RANBP10: variants seen among roughly 807,000 people sequenced by gnomAD.
RANBP10 encodes the protein RAN binding protein 10.
In RANBP10, 24 loss-of-function variants were observed where a neutral mutation model predicts 72.8. The ratio of observed to expected loss-of-function variants is 0.33; its 90% confidence interval spans 0.24 to 0.46. The LOEUF is 0.46. Ranked by LOEUF, RANBP10 falls within the 20% of genes least tolerant of loss-of-function variation. The pLI is 1.00. For missense variants in RANBP10, 679 were observed against 817.5 expected (o/e 0.83, Z 2.07); for synonymous variants, 310 against 322.3 (o/e 0.96, Z 0.41).
chr16:67,742,522 G>A (rs1362264571), intron 4 of RANBP10, among the ~76,000 whole-genome samples: 1 of 152,206 alleles, frequency 6.6e-6, no homozygotes, highest in Non-Finnish European at 1.5e-5. Context: ...GGAGATGGAT[G>A]TCTAAAAACA....
intron 3 of RANBP10, among the ~76,000 whole-genome samples, chr16:67,765,961 G>C (rs1377923051): frequency 6.6e-6 from 1 of 152,180 alleles, no homozygotes; most frequent in African/African-American, 2.4e-5. Context: ...GCAGTGAGCT[G>C]TGACTGTGCC....
intron 3 of RANBP10, among the ~76,000 whole-genome samples, chr16:67,766,264 G>A (rs1238138239): frequency 6.6e-6 from 1 of 152,200 alleles, no homozygotes; most frequent in Non-Finnish European, 1.5e-5. Context: ...TTTGCAAAAT[G>A]TATGCTCATC....
chr16:67,766,272 A>T (rs2054500415), intron 3 of RANBP10, among the ~76,000 whole-genome samples: 1 of 152,218 alleles, frequency 6.6e-6, no homozygotes, highest in South Asian at 2.1e-4. Flanking sequence ...ATGTATGCTC[A>T]TCACCAGAAA....
At chr16:67,796,313 C>A (rs746418395) in intron 2 of RANBP10, among the ~76,000 whole-genome samples, 3 of 152,106 alleles carry the variant, frequency 2.0e-5, no homozygotes, top group Non-Finnish European at 4.4e-5. Context: ...AAGTCCATGC[C>A]AATTTCAGAT....
chr16:67,806,484 G>T lies in RANBP10; in HGVS notation c.53C>A (p.Ser18Tyr). ...CCCGCCCCCAGCGCCCCCGCCGGAG[G>T]AGTCCCCAGGCTGCGGGTTCCCAGC... ...PGAGNPQPGDSSGGGAGGGLP... is the reference protein window; with the variant it reads ...PGAGNPQPGDYSGGGAGGGLP... The change falls in exon 1 of 14, where the codon TCC becomes TAC. Residue 18 changes from serine to tyrosine, a missense_variant. Physicochemically the swap from Ser to Tyr is moderately radical, Grantham distance 144 (BLOSUM62 -2). Transcript: ENST00000317506. 1 of 1,545,594 alleles carries T rather than the reference G, an allele frequency of 6.5e-7. No homozygotes were observed. Among genetic ancestry groups the T allele is most frequent in the Non-Finnish European group, 8.7e-7 (1 of 1,151,472 alleles).
At chr16:67,779,971 C>T (rs193284281) in intron 2 of RANBP10, among the ~76,000 whole-genome samples, 2 of 152,214 alleles carry the variant, frequency 1.3e-5, no homozygotes. Context: ...CGGTGGCTCA[C>T]GCCAGTAATC....
intron 13 of RANBP10, among the ~76,000 whole-genome samples, chr16:67,726,897 C>G (rs2053612661): frequency 6.6e-6 from 1 of 152,230 alleles, no homozygotes; most frequent in Non-Finnish European, 1.5e-5. Flanking sequence ...CTGTACAGAG[C>G]TTGCTGCCCC....
At chr16:67,779,637 T>C (rs2054775269) in intron 2 of RANBP10, among the ~76,000 whole-genome samples, 1 of 152,170 alleles carries the variant, frequency 6.6e-6, no homozygotes, top group African/African-American at 2.4e-5. Context: ...TAGGAGCTCT[T>C]GGGTCCTTGC....
intron 3 of RANBP10, among the ~76,000 whole-genome samples, chr16:67,764,960 A>T (rs1444948971): frequency 1.3e-5 from 2 of 152,200 alleles, no homozygotes; most frequent in African/African-American, 4.8e-5. Context: ...CATCTTAACT[A>T]TATTAAAACA....
chr16:67,779,695 T>A (rs944576704), intron 2 of RANBP10, among the ~76,000 whole-genome samples: 2 of 152,166 alleles, frequency 1.3e-5, no homozygotes, highest in African/African-American at 4.8e-5. Flanking sequence ...TTTCTTTTCA[T>A]AGAGGTTCTT....
intron 3 of RANBP10, among the ~76,000 whole-genome samples, chr16:67,745,076 C>T (rs1481547459): frequency 6.6e-6 from 1 of 150,950 alleles, no homozygotes; most frequent in African/African-American, 2.4e-5. Flanking sequence ...GTGATCCGCC[C>T]GCCTCAGCCT....
At chr16:67,772,473 G>A (rs1017010510) in intron 2 of RANBP10, among the ~76,000 whole-genome samples, 2 of 152,160 alleles carry the variant, frequency 1.3e-5, no homozygotes, top group Non-Finnish European at 2.9e-5. Context: ...AGCAATGCAC[G>A]ATTGTTCCAC....
intron 3 of RANBP10, among the ~76,000 whole-genome samples, chr16:67,770,981 G>C (rs184713106): frequency 1.4e-4 from 22 of 151,892 alleles, no homozygotes; most frequent in African/African-American, 5.3e-4. Context: ...ATAAAAATAA[G>C]GCTGGGTGCA....
chr16:67,802,435 C>T (rs990646259), intron 2 of RANBP10, among the ~76,000 whole-genome samples: 4 of 152,086 alleles, frequency 2.6e-5, no homozygotes, highest in Middle Eastern at 3.2e-3. Flanking sequence ...GTCAGGAGTT[C>T]GAAACCAGCC....
intron 2 of RANBP10, among the ~76,000 whole-genome samples, chr16:67,779,540 A>G (rs2143014727): frequency 1.3e-5 from 2 of 152,282 alleles, no homozygotes; most frequent in Middle Eastern, 6.8e-3. Context: ...CTTTGCATCT[A>G]TGGAACAGGA....
chr16:67,768,175 A>C (rs577559221), intron 3 of RANBP10, among the ~76,000 whole-genome samples: 2 of 151,890 alleles, frequency 1.3e-5, no homozygotes, highest in Non-Finnish European at 2.9e-5. Context: ...GGACTGCTTG[A>C]GCTCACTTCA....
At chr16:67,733,157 A>C (rs7185308) in intron 6 of RANBP10, among the ~76,000 whole-genome samples, 1 of 151,578 alleles carries the variant, frequency 6.6e-6, no homozygotes, top group Non-Finnish European at 1.5e-5. Flanking sequence ...TTGAGCCCAG[A>C]AGTTTGAGAC....
At chr16:67,731,039 T>C (rs1567673606) in intron 7 of RANBP10, 4 of 185,770 alleles carry the variant, frequency 2.2e-5, no homozygotes, top group South Asian at 1.0e-4. Context: ...ACAGCAGCCA[T>C]TGAGCACTGG....
chr16:67,783,140 T>A (rs2054845069), intron 2 of RANBP10, among the ~76,000 whole-genome samples: 1 of 152,136 alleles, frequency 6.6e-6, no homozygotes, highest in Admixed American at 6.6e-5. Context: ...CCGGCTCACA[T>A]GGCACCTAGT....
Sources: allele counts gnomAD v4.1 joint callset (sites outside exome capture counted in the v4.1 genomes callset), GRCh38; gene constraint gnomAD v4.1.1; transcripts MANE v1.5; gene names NCBI Gene and HGNC (gene_info 2026-07-23, HGNC 2026-07-21).